Variants in CTNNA2 observed in about 807,000 individuals in gnomAD.
The protein encoded by CTNNA2 is catenin alpha 2, also known as catenin alpha-2.
A neutral mutation model predicts 101.0 loss-of-function variants in CTNNA2; 42 were observed. The ratio of observed to expected loss-of-function variants is 0.42; its 90% CI spans 0.32 to 0.54. The LOEUF (loss-of-function observed/expected upper bound fraction) is 0.54, where lower values mean the gene tolerates loss of function less well. CTNNA2 is among the 20% of genes least tolerant of loss of function. The pLI, the probability that CTNNA2 is intolerant of heterozygous loss-of-function variation, is 0.14. For synonymous variants in CTNNA2, 450 were observed against 456.4 expected, an observed-to-expected ratio of 0.99 and a Z score of 0.18; for missense variants, 871 against 1,223.1, an observed-to-expected ratio of 0.71 and a Z score of 4.29.
chr2:79,948,034 A>C (rs1688622742), intron 7 of CTNNA2, among the ~76,000 whole-genome samples: 1 of 152,152 alleles, frequency 6.6e-6, no homozygotes, highest in Non-Finnish European at 1.5e-5. Context: ...TCATGTGGTA[A>C]TGTCTGCAGT....
intron 2 of CTNNA2, among the ~76,000 whole-genome samples, chr2:79,691,209 T>A (rs1440845705): frequency 6.6e-6 from 1 of 152,022 alleles, no homozygotes; most frequent in Non-Finnish European, 1.5e-5. Flanking sequence ...TAAGTAGAAG[T>A]AAACTAGCCT....
chr2:80,005,073 C>T (rs1693235297), intron 7 of CTNNA2, among the ~76,000 whole-genome samples: 1 of 152,112 alleles, frequency 6.6e-6, no homozygotes, highest in Non-Finnish European at 1.5e-5. Flanking sequence ...GGGAGATAGC[C>T]AGGTACCCTA....
intron 7 of CTNNA2, among the ~76,000 whole-genome samples, chr2:80,145,557 G>A (rs889483828): frequency 2.6e-5 from 4 of 152,180 alleles, no homozygotes; most frequent in African/African-American, 4.8e-5. Flanking sequence ...GGAAATTCAC[G>A]ATTCAATTAA....
At chr2:79,807,571 A>G (rs1558946106) in intron 3 of CTNNA2, among the ~76,000 whole-genome samples, 1 of 152,192 alleles carries the variant, frequency 6.6e-6, no homozygotes. Flanking sequence ...TAGTGAATTT[A>G]TTATATTTTA....
chr2:79,200,171 G>A (rs1166621216), intron 2 of CTNNA2, among the ~76,000 whole-genome samples: 1 of 152,098 alleles, frequency 6.6e-6, no homozygotes, highest in Non-Finnish European at 1.5e-5. Context: ...ATCATTTGAG[G>A]TCAGGAGTTT....
In CTNNA2 at chr2:79,699,468, T is replaced by C. The variant is rs111372475; in HGVS notation, c.103-44919T>C. 5.7e-4 allele frequency among the ~76,000 whole-genome samples: 87 copies of C among 152,138 alleles called. 1 individual carries two copies. The highest frequency in any genetic ancestry group is 2.0e-3 in the African/African-American group (84 of 41,536). On this transcript the variant is annotated intron_variant, in intron 2 of 18. Coordinates refer to ENST00000402739, the MANE Select transcript of CTNNA2 (RefSeq NM_001282597.3). Reference sequence around the variant, plus strand: ...TAGCTACTTATTATAAACAATATTATGGTGAAATTTATCTTAAATTCAAGG... The same window carrying C: ...TAGCTACTTATTATAAACAATATTACGGTGAAATTTATCTTAAATTCAAGG...
At position 80,302,251 on chromosome 2, in the gene CTNNA2, T is replaced by C; in HGVS notation, c.1057-90960T>C. ...CATGGGTTGAGAGCCACTGGGACAATCACACCTCGCATTCCCTCGCGGGCT... is the reference window on the plus strand; with the variant it reads ...CATGGGTTGAGAGCCACTGGGACAACCACACCTCGCATTCCCTCGCGGGCT... On this transcript the variant is annotated intron_variant, in intron 7 of 18. Coordinates refer to ENST00000402739, the MANE Select transcript of CTNNA2 (RefSeq NM_001282597.3). The surrounding 1 kb of genome is among the most constrained non-coding windows in gnomAD (Gnocchi z 6.4). 6.2e-7 allele frequency: 1 copy of C among 1,611,780 alleles called. No homozygotes were observed. Among genetic ancestry groups the C allele is most frequent in the Non-Finnish European group, 8.5e-7 (1 of 1,178,930 alleles).
chr2:79,300,266 C>T (rs1189232880), intron 2 of CTNNA2, among the ~76,000 whole-genome samples: 1 of 152,174 alleles, frequency 6.6e-6, no homozygotes, highest in East Asian at 1.9e-4. Flanking sequence ...TGCCATAGAG[C>T]TGGAATCATG....
At chr2:80,545,127 A>G (rs1350405440) in intron 10 of CTNNA2, 53 bp downstream of exon 10, 2 of 1,541,296 alleles carry the variant, frequency 1.3e-6, no homozygotes, top group Non-Finnish European at 1.8e-6. Flanking sequence ...TCTCCACTCC[A>G]GCCCTTGTGC....
At chr2:80,175,902 G>A (rs1171866008) in intron 7 of CTNNA2, among the ~76,000 whole-genome samples, 6 of 152,202 alleles carry the variant, frequency 3.9e-5, no homozygotes, top group African/African-American at 1.4e-4. Flanking sequence ...ATCCAGCACA[G>A]GAGAAAGATG....
chr2:79,998,684 T>G (rs1558714423), intron 7 of CTNNA2, among the ~76,000 whole-genome samples: 2 of 152,194 alleles, frequency 1.3e-5, no homozygotes, highest in African/African-American at 4.8e-5. Context: ...TTTAATTTAA[T>G]AGAGAAATGA....
intron 7 of CTNNA2, among the ~76,000 whole-genome samples, chr2:80,262,110 T>A (rs1488261953): frequency 6.6e-6 from 1 of 152,190 alleles, no homozygotes; most frequent in East Asian, 1.9e-4. Flanking sequence ...GGACATTAAG[T>A]CACACAAGAT....
rs191507873 is a variant in CTNNA2 at position 79,956,560 on chromosome 2, A to G, written c.1056+46763A>G. Among the ~76,000 whole-genome samples, 25 of 152,272 alleles carry G rather than the reference A, an allele frequency of 1.6e-4. No homozygotes were observed. The East Asian group carries it at 4.1e-3, about 25-fold the overall frequency. ...AGAGTTTTATTTCATAATTATTGTC[A>G]ATTTCTAGGGGTTGAATAATGAACA... On this transcript the variant is annotated intron_variant, in intron 7 of 18. Coordinates refer to ENST00000402739, the MANE Select transcript of CTNNA2 (RefSeq NM_001282597.3).
intron 15 of CTNNA2, among the ~76,000 whole-genome samples, chr2:80,593,778 T>C (rs1276311628): frequency 2.0e-5 from 3 of 152,212 alleles, no homozygotes; most frequent in Non-Finnish European, 4.4e-5. Context: ...TCAAAGTTCA[T>C]GCATATATTG....
chr2:80,455,369 A>T (rs767404365), intron 9 of CTNNA2, among the ~76,000 whole-genome samples: 20 of 152,316 alleles, frequency 1.3e-4, no homozygotes, highest in African/African-American at 4.8e-4. Flanking sequence ...TCATCTCTCT[A>T]TCAGGAGGGT....
At chr2:79,898,103 T>C (rs911209376) in intron 6 of CTNNA2, among the ~76,000 whole-genome samples, 6 of 152,074 alleles carry the variant, frequency 3.9e-5, no homozygotes, top group Non-Finnish European at 8.8e-5. Context: ...TTTTATACCT[T>C]GGTCTTAGAT....
intron 12 of CTNNA2, among the ~76,000 whole-genome samples, chr2:80,556,501 G>A (rs1693043775): frequency 6.6e-6 from 1 of 152,142 alleles, no homozygotes; most frequent in Admixed American, 6.5e-5. Context: ...TTCTTCAGGG[G>A]CATGTGGCTG....
At chr2:79,507,986 T>C (rs970738779) in intron 5 of CTNNA2, among the ~76,000 whole-genome samples, 32 of 152,230 alleles carry the variant, frequency 2.1e-4, no homozygotes, top group Non-Finnish European at 2.1e-4. Context: ...TGAGCAGCTG[T>C]AATTTTTGTT....
At chr2:80,377,048 T>C (rs548565337) in intron 7 of CTNNA2, among the ~76,000 whole-genome samples, 7 of 152,216 alleles carry the variant, frequency 4.6e-5, no homozygotes, top group Non-Finnish European at 7.3e-5. Context: ...GACTGGACTA[T>C]AGAAGTGAAA....
Sources: gnomAD v4.1 joint callset for allele counts (sites outside exome capture counted in the v4.1 genomes callset) on GRCh38, gnomAD v4.1.1 for gene constraint, Gnocchi (gnomAD v3.1) non-coding constraint, MANE v1.5 for transcripts, NCBI Gene and HGNC (gene_info 2026-07-23, HGNC 2026-07-21) for gene names.